Variants in ZNF83 observed in about 807,000 individuals in gnomAD.
ZNF83 encodes zinc finger protein 816B.
For missense variants in ZNF83, 552 were observed against 629.9 expected, an observed-to-expected ratio of 0.88 and a Z score of 1.32; for synonymous variants, 209 against 213.0, an observed-to-expected ratio of 0.98 and a Z score of 0.17.
intron 1 of ZNF83, among the ~76,000 whole-genome samples, chr19:52,684,791 T>A (rs565237406): frequency 6.6e-6 from 1 of 151,794 alleles, no homozygotes; most frequent in South Asian, 2.1e-4. Context: ...GTTTTGGTGT[T>A]TGGGAAAAAA....
At chr19:52,679,245 G>A (rs1245720322) in intron 1 of ZNF83, among the ~76,000 whole-genome samples, 3 of 152,226 alleles carry the variant, frequency 2.0e-5, no homozygotes, top group Non-Finnish European at 2.9e-5. Flanking sequence ...GCTGCTTAGA[G>A]AAGACGATCA....
intron 2 of ZNF83, among the ~76,000 whole-genome samples, chr19:52,658,282 T>TGCCTGTAATTTCAGCACTCAC (rs1232842849): frequency 5.9e-5 from 9 of 152,090 alleles, no homozygotes; most frequent in African/African-American, 2.2e-4. Flanking sequence ...TTCTGGCTCA[T>TGCCTGTAATTTCAGCACTCAC]GCCTGTAATT....
chr19:52,658,740 C>T (rs975804882), intron 2 of ZNF83, among the ~76,000 whole-genome samples: 3 of 152,090 alleles, frequency 2.0e-5, no homozygotes, highest in Non-Finnish European at 2.9e-5. Flanking sequence ...ATAGAGGCTT[C>T]CCCAGTTAAG....
At position 52,618,976 on chromosome 19, in the gene ZNF83, T is replaced by C. The variant is rs10404623; in HGVS notation, c.-233-4179A>G. 35,426 of 1,296,464 alleles carry C rather than the reference T, an allele frequency of 0.027. 9,538 individuals carry two copies. The African/African-American group carries it at 0.33, about 12-fold the overall frequency. The allele number at this position is 1,296,464 out of a possible 1,614,324, so 80.3% of individuals were successfully genotyped here. ...TCCTATAATTCTCCAACATCACATC[T>C]CTGTATAGAGTCCTCTGAGCAGGGT... is the stretch of plus-strand genomic sequence containing the variant. On this transcript the variant is annotated intron_variant, in intron 2 of 2. Coordinates refer to ENST00000301096, the Ensembl canonical transcript of ZNF83.
chr19:52,667,305 C>T (rs2869084), intron 1 of ZNF83, among the ~76,000 whole-genome samples: 118,199 of 151,122 alleles, frequency 0.78, 46,477 homozygotes, highest in African/African-American at 0.87. Flanking sequence ...TAAAATAAAT[C>T]AAATGGTGGT....
At chr19:52,669,864 T>C (rs2061700386) in intron 1 of ZNF83, among the ~76,000 whole-genome samples, 1 of 152,172 alleles carries the variant, frequency 6.6e-6, no homozygotes. Flanking sequence ...TCCTCCACCT[T>C]ATCCAAAGAA....
At chr19:52,624,093 G>GC (rs1266044506) in intron 2 of ZNF83, among the ~76,000 whole-genome samples, 5 of 151,770 alleles carry the variant, frequency 3.3e-5, no homozygotes, top group African/African-American at 4.8e-5. Flanking sequence ...CTGTACTGCC[G>GC]CAAGGCTTCC....
intron 2 of ZNF83, among the ~76,000 whole-genome samples, chr19:52,630,509 C>T (rs55921017): frequency 0.19 from 29,461 of 152,052 alleles, 2,955 homozygotes; most frequent in Middle Eastern, 0.24. Context: ...TTAGTTATCC[C>T]CACCTGCCCA....
chr19:52,672,568 C>T (rs1290922389), intron 1 of ZNF83, among the ~76,000 whole-genome samples: 1 of 152,192 alleles, frequency 6.6e-6, no homozygotes, highest in Non-Finnish European at 1.5e-5. Context: ...GGCAACATAG[C>T]ACCTCATCTT....
intron 1 of ZNF83, among the ~76,000 whole-genome samples, chr19:52,674,015 CAAAAAAA>C (rs67570337): frequency 5.5e-5 from 4 of 73,062 alleles, no homozygotes; most frequent in African/African-American, 2.1e-4. Flanking sequence ...GACTCCATCT[CAAAAAAA>C]AAAAAAAAAA....
chr19:52,661,486 C>T (rs1187168757), intron 1 of ZNF83, among the ~76,000 whole-genome samples: 1 of 152,194 alleles, frequency 6.6e-6, no homozygotes, highest in African/African-American at 2.4e-5. Context: ...ATGGGGGAAA[C>T]TGCCTTGATG....
At chr19:52,625,065 G>C (rs2060687790) in intron 2 of ZNF83, among the ~76,000 whole-genome samples, 1 of 151,190 alleles carries the variant, frequency 6.6e-6, no homozygotes, top group Admixed American at 6.6e-5. Context: ...TCCTCATCCT[G>C]ATCACATTTG....
chr19:52,663,676 T>C (rs2061608403), intron 1 of ZNF83, among the ~76,000 whole-genome samples: 1 of 152,134 alleles, frequency 6.6e-6, no homozygotes, highest in Non-Finnish European at 1.5e-5. Context: ...ATGTTTCCAA[T>C]ACATAATAAA....
chr19:52,653,335 A>G, intron 3 of ZNF83: 8 of 1,260,644 alleles, frequency 6.3e-6, no homozygotes, highest in Non-Finnish European at 8.0e-6. Context: ...TCCAGTATGA[A>G]CTCTCTGATG....
chr19:52,624,608 A>G (rs951463784), intron 2 of ZNF83, among the ~76,000 whole-genome samples: 4 of 152,042 alleles, frequency 2.6e-5, no homozygotes, highest in Admixed American at 2.6e-4. Flanking sequence ...GCTCTCCCTG[A>G]CTCATCCCAA....
At chr19:52,617,721 A>G (rs1396680607) in intron 2 of ZNF83, 1 of 91,084 alleles carries the variant, frequency 1.1e-5, no homozygotes, top group East Asian at 3.1e-4. Flanking sequence ...ACAGAGTGAG[A>G]TTGTCTCAAA....
intron 2 of ZNF83, among the ~76,000 whole-genome samples, chr19:52,631,964 C>G (rs562347341): frequency 7.1e-6 from 1 of 140,698 alleles, no homozygotes; most frequent in Non-Finnish European, 1.5e-5. Context: ...ACATCAAGCT[C>G]GAGGATTTGC....
chr19:52,639,646 G>C (rs180674501), upstream of ZNF83, among the ~76,000 whole-genome samples: 1 of 151,802 alleles, frequency 6.6e-6, no homozygotes, highest in African/African-American at 2.4e-5. Flanking sequence ...TCGAACTTCT[G>C]ACTTCAAGTG....
intron 2 of ZNF83, among the ~76,000 whole-genome samples, chr19:52,620,133 TCA>T (rs1416949286): frequency 6.6e-6 from 1 of 152,152 alleles, no homozygotes; most frequent in East Asian, 1.9e-4. Context: ...TTACGCAGAC[TCA>T]CAAAAAACTA....
Sources: gnomAD v4.1 joint callset for allele counts (sites outside exome capture counted in the v4.1 genomes callset) on GRCh38, gnomAD v4.1.1 for gene constraint, MANE v1.5 for transcripts, NCBI Gene and HGNC (gene_info 2026-07-23, HGNC 2026-07-21) for gene names.